Variants in RGPD1 observed in about 807,000 individuals in gnomAD.
RGPD1 encodes RANBP2-like and GRIP domain-containing protein 1.
Under a neutral mutation model 40.6 loss-of-function variants are expected in RGPD1, and 7 were observed. The ratio of observed to expected loss-of-function variants is 0.17; its 90% confidence interval spans 0.10 to 0.32. RGPD1 has a LOEUF of 0.32. RGPD1 is among the 10% of genes least tolerant of loss of function. The probability of loss-of-function intolerance (pLI) is 1.00; values close to 1 mark genes in which losing one functional copy is unlikely to be tolerated. For synonymous variants in RGPD1, 24 were observed against 167.0 expected (o/e 0.14, Z 6.60); for missense variants, 50 against 472.5 (o/e 0.11, Z 8.29).
upstream of RGPD1, among the ~76,000 whole-genome samples, chr2:86,941,721 G>T (rs71278179): frequency 5.5e-3 from 613 of 110,688 alleles, no homozygotes; most frequent in African/African-American, 0.027. Flanking sequence ...AATGCGCTTT[G>T]TTTTTTTTTT....
At chr2:86,934,232 C>G (rs1459000346) in intron 1 of RGPD1, among the ~76,000 whole-genome samples, 1 of 143,916 alleles carries the variant, frequency 6.9e-6, no homozygotes. Flanking sequence ...TGGTCGCATG[C>G]GCCTGTAATC....
At chr2:86,942,671 G>A (rs1454644422) in intron 1 of RGPD1, among the ~76,000 whole-genome samples, 2 of 142,400 alleles carry the variant, frequency 1.4e-5, no homozygotes, top group East Asian at 2.2e-4. Flanking sequence ...GGCGGCGGCG[G>A]CCTCGACCTG....
intron 1 of RGPD1, among the ~76,000 whole-genome samples, chr2:86,925,962 T>G (rs1025208372): frequency 6.6e-6 from 1 of 152,126 alleles, no homozygotes; most frequent in Non-Finnish European, 1.5e-5. Context: ...TTTAAATATT[T>G]TCACACCTGG....
At chr2:86,932,007 C>T (rs1268364180) in intron 1 of RGPD1, among the ~76,000 whole-genome samples, 4 of 147,406 alleles carry the variant, frequency 2.7e-5, no homozygotes, top group Non-Finnish European at 6.0e-5. Context: ...ATGTCTATAA[C>T]ATATAGACAG....
At chr2:86,944,621 C>G (rs935851485) in intron 1 of RGPD1, among the ~76,000 whole-genome samples, 7 of 152,116 alleles carry the variant, frequency 4.6e-5, no homozygotes, top group Admixed American at 1.3e-4. Flanking sequence ...CCATGTTGCC[C>G]AGGCTGTTCT....
At chr2:86,988,243 AGACCAGCCT>A (rs1681557434) in intron 20 of RGPD1, among the ~76,000 whole-genome samples, 1 of 134,202 alleles carries the variant, frequency 7.5e-6, no homozygotes. Flanking sequence ...CAGGAGTTCG[AGACCAGCCT>A]GGCCAACGTG....
chr2:86,931,787 A>G (rs547065401), intron 1 of RGPD1, among the ~76,000 whole-genome samples: 134 of 150,182 alleles, frequency 8.9e-4, no homozygotes, highest in Middle Eastern at 3.4e-3. Context: ...ATCACAGTCT[A>G]TTCATAAAGT....
At chr2:86,936,769 A>G (rs1679384033) in intron 1 of RGPD1, among the ~76,000 whole-genome samples, 1 of 124,820 alleles carries the variant, frequency 8.0e-6, no homozygotes, top group Non-Finnish European at 1.6e-5. Flanking sequence ...TACAGGCGTG[A>G]GCCACTGTGC....
At position 86,988,441 on chromosome 2, in the gene RGPD1, CAAAAAAAAA is replaced by C. The variant is rs1174110236; in HGVS notation, c.4900+652_4900+660del. 1.5e-4 allele frequency among the ~76,000 whole-genome samples: 5 copies of C among 33,246 alleles called. 1 individual carries two copies. The highest frequency in any genetic ancestry group is 9.5e-4 in the Admixed American group (3 of 3,160). The allele number at this position is 33,246 out of a possible 152,430, so 21.8% of individuals were successfully genotyped here. On this transcript the variant is annotated intron_variant, in intron 20 of 22. Transcript: ENST00000641458. ...GCCTGACTGAGTGAGACTTTGTCTCCAAAAAAAAAAAAAAAAAACAAAAAAACAAAAAAA... is the reference window on the plus strand; with the variant it reads ...GCCTGACTGAGTGAGACTTTGTCTCCAAAAAAAAACAAAAAAACAAAAAAA...
At chr2:86,913,812 C>G (rs1409504956) in exon 1 of RGPD1, 2 of 1,532,396 alleles carry the variant, frequency 1.3e-6, no homozygotes, top group African/African-American at 2.8e-5. Flanking sequence ...GGGCTGAGCG[C>G]TGGTTTCACG....
chr2:86,920,093 G>A (rs1261815397), intron 1 of RGPD1, among the ~76,000 whole-genome samples: 1 of 151,954 alleles, frequency 6.6e-6, no homozygotes, highest in African/African-American at 2.4e-5. Context: ...TTTTTAAGAC[G>A]GGGTTTTGCT....
At chr2:86,935,155 T>A (rs1166097538) in intron 1 of RGPD1, among the ~76,000 whole-genome samples, 9 of 147,136 alleles carry the variant, frequency 6.1e-5, no homozygotes, top group South Asian at 2.2e-4. Flanking sequence ...TTACCCTGTT[T>A]AGATATGATG....
At chr2:86,957,633 T>A in intron 4 of RGPD1, 73 bp from the exon 5 acceptor site, 1 of 225,468 alleles carries the variant, frequency 4.4e-6, no homozygotes, top group Admixed American at 5.4e-5. Context: ...GGAATGGTGC[T>A]TTTTGGGAGC....
intron 1 of RGPD1, chr2:86,930,223 A>G (rs1482296780): frequency 6.9e-7 from 1 of 1,450,700 alleles, no homozygotes; most frequent in Non-Finnish European, 9.5e-7. Context: ...AACACCTTCC[A>G]CATTTGTTCC....
chr2:86,919,913 A>G (rs1414099692), intron 1 of RGPD1, among the ~76,000 whole-genome samples: 7 of 146,022 alleles, frequency 4.8e-5, no homozygotes, highest in Non-Finnish European at 7.5e-5. Flanking sequence ...TGCCTGGCAT[A>G]GAAGGATACT....
intron 1 of RGPD1, among the ~76,000 whole-genome samples, chr2:86,925,911 G>T (rs1049974680): frequency 2.6e-5 from 4 of 152,132 alleles, no homozygotes; most frequent in African/African-American, 9.7e-5. Flanking sequence ...AAGATTGTTT[G>T]CCAAATGAAT....
At chr2:86,925,897 G>A (rs1182236586) in intron 1 of RGPD1, among the ~76,000 whole-genome samples, 17 of 151,888 alleles carry the variant, frequency 1.1e-4, no homozygotes, top group African/African-American at 3.6e-4. Context: ...TGACCATTTT[G>A]CACAAGATTG....
At chr2:86,924,519 GCAGTGATGCTATCGTAGTTGGCTGTAAT>G (rs1480644299) in intron 1 of RGPD1, among the ~76,000 whole-genome samples, 1 of 150,650 alleles carries the variant, frequency 6.6e-6, no homozygotes, top group African/African-American at 2.4e-5. Flanking sequence ...ACGCCGGACT[GCAGTGATGCTATCGTAGTTGGCTGTAAT>G]CTCGAACTCA....
At chr2:86,954,866 C>A in intron 4 of RGPD1, among the ~76,000 whole-genome samples, 1 of 128,114 alleles carries the variant, frequency 7.8e-6, no homozygotes, top group Non-Finnish European at 1.7e-5. Context: ...CATGCTGCCC[C>A]TTTTGTAGTC....
Sources: gnomAD v4.1 joint callset for allele counts (sites outside exome capture counted in the v4.1 genomes callset) on GRCh38, gnomAD v4.1.1 for gene constraint, MANE v1.5 for transcripts, NCBI Gene and HGNC (gene_info 2026-07-23, HGNC 2026-07-21) for gene names.